Variants in CASZ1 observed in about 807,000 individuals in gnomAD.
CASZ1 encodes the protein castor zinc finger 1, also known as zinc finger protein castor homolog 1.
Under a neutral mutation model 135.2 loss-of-function variants are expected in CASZ1, and 28 were observed. The observed-to-expected ratio is 0.21, with a 90% CI of 0.15 to 0.28. CASZ1 has a LOEUF of 0.28. Ranked by LOEUF, CASZ1 falls within the 10% of genes least tolerant of loss-of-function variation. The probability of loss-of-function intolerance (pLI) is 1.00; values close to 1 mark genes in which losing one functional copy is unlikely to be tolerated. For missense variants in CASZ1, 2,161 were observed against 2,453.3 expected, an observed-to-expected ratio of 0.88 and a Z score of 2.52; for synonymous variants, 1,068 against 1,073.4, an observed-to-expected ratio of 0.99 and a Z score of 0.10.
chr1:10,754,815 T>C (rs1481519397), intron 2 of CASZ1, among the ~76,000 whole-genome samples: 1 of 152,218 alleles, frequency 6.6e-6, no homozygotes, highest in Non-Finnish European at 1.5e-5. Context: ...AGCTGAAATA[T>C]TGAGTCACAA....
At chr1:10,785,871 G>C (rs1570592039) in intron 1 of CASZ1, among the ~76,000 whole-genome samples, 1 of 152,208 alleles carries the variant, frequency 6.6e-6, no homozygotes, top group South Asian at 2.1e-4. Context: ...TGGAACCCCA[G>C]CAAATGTCAG....
At chr1:10,729,132 C>T (rs1489267850) in intron 2 of CASZ1, among the ~76,000 whole-genome samples, 1 of 151,754 alleles carries the variant, frequency 6.6e-6, no homozygotes, top group Non-Finnish European at 1.5e-5. Flanking sequence ...GAGGAGGGGG[C>T]GGCCGGCCTG....
chr1:10,740,541 G>A (rs492945), intron 2 of CASZ1, among the ~76,000 whole-genome samples: 69,583 of 152,122 alleles, frequency 0.46, 16,998 homozygotes, highest in Non-Finnish European at 0.54. Context: ...TGGAGGCCCT[G>A]AAGGCAACAG....
rs1442580045 is a variant in CASZ1 at position 10,725,802 on chromosome 1, T to G, written c.-76-20258A>C. Among the ~76,000 whole-genome samples, 43 of 121,122 alleles carry G rather than the reference T, an allele frequency of 3.6e-4. No homozygotes were observed. The highest frequency in any genetic ancestry group is 7.1e-4 in the African/African-American group (22 of 30,912). The allele number at this position is 121,122 out of a possible 152,430, so 79.5% of individuals were successfully genotyped here. ...GAGTGACAAGACAGCGGCAGTGGGG[T>G]GGGGAGGGAATGGCAAGGGGGGCCT... On this transcript the variant is annotated intron_variant, in intron 2 of 20. Transcript: ENST00000377022. The surrounding 1 kb of genome is among the most constrained non-coding windows in gnomAD (Gnocchi z 4.4).
chr1:10,738,142 G>A (rs1024190977), intron 2 of CASZ1, among the ~76,000 whole-genome samples: 2 of 152,238 alleles, frequency 1.3e-5, no homozygotes, highest in Admixed American at 1.3e-4. Flanking sequence ...TGAGTTCTAT[G>A]AAGGCAATAA....
At chr1:10,668,141 C>T (rs897905386) in intron 4 of CASZ1, among the ~76,000 whole-genome samples, 1 of 152,102 alleles carries the variant, frequency 6.6e-6, no homozygotes, top group Non-Finnish European at 1.5e-5. Flanking sequence ...TTTGTAAGTG[C>T]GAGCGCGTGT....
At chr1:10,698,464 G>A (rs1172143880) in intron 3 of CASZ1, among the ~76,000 whole-genome samples, 1 of 152,018 alleles carries the variant, frequency 6.6e-6, no homozygotes, top group East Asian at 1.9e-4. Context: ...AATTTCTAAA[G>A]CCTATCAGAG....
At chr1:10,715,241 C>T (rs1403042330) in intron 2 of CASZ1, among the ~76,000 whole-genome samples, 1 of 152,170 alleles carries the variant, frequency 6.6e-6, no homozygotes. Flanking sequence ...TTTGGCCTCT[C>T]GGCCATGTTT....
At chr1:10,785,161 C>T (rs1640837349) in intron 1 of CASZ1, among the ~76,000 whole-genome samples, 1 of 148,172 alleles carries the variant, frequency 6.7e-6, no homozygotes, top group Admixed American at 6.8e-5. Flanking sequence ...TCTTTCCTTC[C>T]TTCCTTCTTT....
Position 10,637,916 on chromosome 1 carries a change from T to G in CASZ1, c.*1026A>C, listed in dbSNP as rs1237930444. ...ACTTGGATCAACAGTAATAGTCCTT[T>G]TTTCTTGTCTCTACAAAATTCAAGT... On this transcript the variant is annotated 3_prime_UTR_variant, in exon 21 of 21. Coordinates refer to ENST00000377022, the MANE Select transcript of CASZ1 (RefSeq NM_001079843.3). 2.0e-5 allele frequency: 3 copies of G among 152,410 alleles called. No individual in the cohort carries two copies. The highest frequency in any genetic ancestry group is 7.2e-5 in the African/African-American group (3 of 41,442). The allele number at this position is 152,410 out of a possible 1,614,324, so 9.4% of individuals were successfully genotyped here.
intron 2 of CASZ1, among the ~76,000 whole-genome samples, chr1:10,738,599 C>T (rs377483888): frequency 2.0e-5 from 3 of 152,218 alleles, no homozygotes; most frequent in East Asian, 1.9e-4. Flanking sequence ...TCCAGCCCTT[C>T]GACCCCATCC....
rs769605940 is a variant in CASZ1 at position 10,721,054 on chromosome 1, G to C, written c.-76-15510C>G. Among the ~76,000 whole-genome samples, 1 of 152,180 alleles carries C rather than the reference G, an allele frequency of 6.6e-6. No homozygotes were observed. The highest frequency in any genetic ancestry group is 2.4e-5 in the African/African-American group (1 of 41,446). On this transcript the variant is annotated intron_variant, in intron 2 of 20. Coordinates refer to ENST00000377022, the MANE Select transcript of CASZ1 (RefSeq NM_001079843.3). This position sits in a 1 kb window ranked among gnomAD's most constrained non-coding sequence, Gnocchi z 5.4. ...GCCTCCTCGCCCGTAACTCTGGTGGGGGTCCCTTTTGTACAGGAGCCAAGC... is the reference window on the plus strand; with the variant it reads ...GCCTCCTCGCCCGTAACTCTGGTGGCGGTCCCTTTTGTACAGGAGCCAAGC...
chr1:10,755,846 C>T lies in CASZ1; in HGVS notation c.-77+4855G>A, dbSNP rs1051951206. Among the ~76,000 whole-genome samples the T allele has an allele frequency of 1.1e-4, 17 of 152,106 alleles. No individual in the cohort carries two copies. The highest frequency in any genetic ancestry group is 4.1e-4 in the African/African-American group (17 of 41,418). ...CGGTGGGAGGTGGGGAACCCTCCTG[C>T]TCCCACCCCTCTGCACCCCCCACCC... On this transcript the variant is annotated intron_variant, in intron 2 of 20. Transcript: ENST00000377022. This position sits in a 1 kb window ranked among gnomAD's most constrained non-coding sequence, Gnocchi z 4.3.
At chr1:10,688,395 T>G (rs1414235359) in intron 4 of CASZ1, among the ~76,000 whole-genome samples, 1 of 151,706 alleles carries the variant, frequency 6.6e-6, no homozygotes, top group East Asian at 1.9e-4. Context: ...CAGAAAAACG[T>G]GGTTGCAAAA....
intron 2 of CASZ1, among the ~76,000 whole-genome samples, chr1:10,728,273 C>A (rs1337368568): frequency 6.6e-6 from 1 of 152,218 alleles, no homozygotes; most frequent in Admixed American, 6.5e-5. Flanking sequence ...CCCCTGGGAC[C>A]ATCCATTTAC....
At chr1:10,787,309 G>C (rs1286906645) in intron 1 of CASZ1, among the ~76,000 whole-genome samples, 1 of 152,202 alleles carries the variant, frequency 6.6e-6, no homozygotes, top group East Asian at 1.9e-4. Context: ...AGAAGGGTAG[G>C]GGAGTGGACA....
chr1:10,734,493 G>A (rs976359294), intron 2 of CASZ1, among the ~76,000 whole-genome samples: 1 of 152,030 alleles, frequency 6.6e-6, no homozygotes, highest in Non-Finnish European at 1.5e-5. Flanking sequence ...GCTGCATCTC[G>A]GGAATTCTCT....
At chr1:10,686,507 C>T (rs900700362) in intron 4 of CASZ1, among the ~76,000 whole-genome samples, 1 of 152,128 alleles carries the variant, frequency 6.6e-6, no homozygotes, top group African/African-American at 2.4e-5. Flanking sequence ...AGTTCTAAGC[C>T]GAGGACTGGG....
chr1:10,727,145 C>T lies in CASZ1; in HGVS notation c.-76-21601G>A, dbSNP rs1639612201. Among the ~76,000 whole-genome samples, 1 of 151,976 alleles carries T rather than the reference C, an allele frequency of 6.6e-6. No individual in the cohort carries two copies. Among genetic ancestry groups the T allele is most frequent in the Admixed American group, 6.6e-5 (1 of 15,260 alleles). On this transcript the variant is annotated intron_variant, in intron 2 of 20. Coordinates refer to ENST00000377022, the MANE Select transcript of CASZ1 (RefSeq NM_001079843.3). This position sits in a 1 kb window ranked among gnomAD's most constrained non-coding sequence, Gnocchi z 5.3. ...CCAGGGAGGGTGGCATGGAAACAGC[C>T]TGGAGAAGGAAGAGGGAAAAGGGAG... is the stretch of plus-strand genomic sequence containing the variant.
Sources: gnomAD v4.1 joint callset for allele counts (sites outside exome capture counted in the v4.1 genomes callset) on GRCh38, gnomAD v4.1.1 for gene constraint, Gnocchi (gnomAD v3.1) non-coding constraint, MANE v1.5 for transcripts, NCBI Gene and HGNC (gene_info 2026-07-23, HGNC 2026-07-21) for gene names.